USH2A: variants seen among roughly 807,000 people sequenced by gnomAD.
USH2A encodes Usher syndrome 2A (autosomal recessive, mild).
Under a neutral mutation model 538.9 loss-of-function variants are expected in USH2A, and 443 were observed. The ratio of observed to expected loss-of-function variants is 0.82; its 90% CI spans 0.76 to 0.89. The LOEUF (loss-of-function observed/expected upper bound fraction) is 0.89. Ranked by LOEUF, USH2A falls within the 40% of genes least tolerant of loss-of-function variation. The pLI is 0.00. For synonymous variants in USH2A, 2,413 were observed against 2,273.5 expected, an observed-to-expected ratio of 1.06 and a Z score of -1.75; for missense variants, 6,633 against 6,324.8, an observed-to-expected ratio of 1.05 and a Z score of -1.65.
At position 215,934,613 on chromosome 1, in the gene USH2A, T is replaced by C. The variant is rs1666444080; in HGVS notation, c.7300+3A>G. The C allele has an allele frequency of 6.2e-7, 1 of 1,611,774 alleles. No individual in the cohort carries two copies. Among genetic ancestry groups the C allele is most frequent in the Non-Finnish European group, 8.5e-7 (1 of 1,178,442 alleles). ...TAGATAGCCAACATTTGCATAGACT[T>C]ACCTCCTGGAGGCATTGCAATTGTT... On this transcript the variant is annotated splice_donor_region_variant and intron_variant, in intron 38 of 71. Transcript: ENST00000307340.
At chr1:216,332,578 G>T (rs1035314018) in intron 4 of USH2A, among the ~76,000 whole-genome samples, 1 of 152,126 alleles carries the variant, frequency 6.6e-6, no homozygotes, top group African/African-American at 2.4e-5. Flanking sequence ...GCACAAGCAG[G>T]AAGTGGGGAC....
At chr1:215,671,393 C>G in intron 63 of USH2A, 100 bp from the exon 64 acceptor site, 7 of 1,220,314 alleles carry the variant, frequency 5.7e-6, no homozygotes, top group Non-Finnish European at 7.0e-6. Context: ...GACAAGCTTA[C>G]ATGTATTCTT....
In USH2A at chr1:216,391,321, G is replaced by A. The variant is rs147333752; in HGVS notation, c.652-26236C>T. Among the ~76,000 whole-genome samples the A allele has an allele frequency of 5.0e-3, 761 of 152,220 alleles. 10 individuals carry two copies. Among genetic ancestry groups the A allele is most frequent in the African/African-American group, 0.017 (721 of 41,522 alleles). ...ATGCAACTATCATCAAAATCCACATGGAACTAAACTTTATGATCCTTCATA... is the reference window on the plus strand; with the variant it reads ...ATGCAACTATCATCAAAATCCACATAGAACTAAACTTTATGATCCTTCATA... On this transcript the variant is annotated intron_variant, in intron 3 of 71. Transcript: ENST00000307340.
In USH2A at chr1:215,999,031, C is replaced by T; in HGVS notation, c.6513G>A (p.Gly2171=). The T allele has an allele frequency of 6.2e-7, 1 of 1,612,274 alleles. No individual in the cohort carries two copies. The highest frequency in any genetic ancestry group is 1.7e-4 in the Middle Eastern group (1 of 6,044). The change falls in exon 34 of 72, where the codon GGG becomes GGA. Residue 2171 remains glycine, a synonymous_variant. Coordinates refer to ENST00000307340, the MANE Select transcript of USH2A (RefSeq NM_206933.4). ...TATATAATACATAGCGTTCCAGAAT[C>T]CCACTTATTTTTCTTGGTTGTTTCC... The part of the protein sequence containing the change: ...IQWKQPRKIS[G]ILERYVLYMS...
At chr1:216,405,359 A>G (rs565328537) in intron 3 of USH2A, among the ~76,000 whole-genome samples, 1 of 152,296 alleles carries the variant, frequency 6.6e-6, no homozygotes, top group Admixed American at 6.5e-5. Context: ...AAGCAATCAA[A>G]TTAGAAAATG....
intron 20 of USH2A, among the ~76,000 whole-genome samples, chr1:216,178,759 G>T (rs1047731033): frequency 6.6e-6 from 1 of 152,080 alleles, no homozygotes; most frequent in African/African-American, 2.4e-5. Context: ...GTTTAATACG[G>T]TAACCACTAG....
chr1:216,153,574 T>G (rs2033882252), intron 21 of USH2A, among the ~76,000 whole-genome samples: 1 of 152,218 alleles, frequency 6.6e-6, no homozygotes, highest in Admixed American at 6.5e-5. Flanking sequence ...TTAATCACTT[T>G]GGGAAGCAAT....
At chr1:215,788,767 TTAACCTGGAATTGTA>T (rs1312421112) in intron 51 of USH2A, among the ~76,000 whole-genome samples, 4 of 152,174 alleles carry the variant, frequency 2.6e-5, no homozygotes, top group Non-Finnish European at 4.4e-5. Flanking sequence ...GACATAATTT[TTAACCTGGAATTGTA>T]TATCAGACCA....
At chr1:215,754,618 T>C (rs1477046337) in intron 58 of USH2A, among the ~76,000 whole-genome samples, 1 of 152,124 alleles carries the variant, frequency 6.6e-6, no homozygotes, top group Admixed American at 6.6e-5. Flanking sequence ...TGAAAGAAGA[T>C]TAATTGTCTT....
chr1:215,684,488 G>T (rs957951488), intron 61 of USH2A, among the ~76,000 whole-genome samples: 1 of 152,186 alleles, frequency 6.6e-6, no homozygotes, highest in Non-Finnish European at 1.5e-5. Flanking sequence ...TCATCTTTGA[G>T]TCTATTGATC....
chr1:216,143,599 T>G (rs2033641476), intron 21 of USH2A, among the ~76,000 whole-genome samples: 3 of 152,136 alleles, frequency 2.0e-5, no homozygotes, highest in Admixed American at 1.3e-4. Context: ...CCCAATAAAA[T>G]TAGTTTTCAA....
chr1:216,203,114 G>C (rs1166423280), intron 16 of USH2A, among the ~76,000 whole-genome samples: 2 of 151,948 alleles, frequency 1.3e-5, no homozygotes, highest in Non-Finnish European at 2.9e-5. Flanking sequence ...ATTGTTCCAG[G>C]AAAGAATATA....
intron 61 of USH2A, among the ~76,000 whole-genome samples, chr1:215,706,762 A>T (rs1361244834): frequency 6.6e-6 from 1 of 152,242 alleles, no homozygotes; most frequent in Non-Finnish European, 1.5e-5. Flanking sequence ...CAACCAGCTT[A>T]GTGCAAAGCA....
chr1:215,734,090 G>A (rs1660083510), intron 60 of USH2A, among the ~76,000 whole-genome samples: 1 of 152,192 alleles, frequency 6.6e-6, no homozygotes, highest in Admixed American at 6.5e-5. Flanking sequence ...CTTCTGCCTG[G>A]GCACCCAGGC....
In USH2A at chr1:216,289,515, G is replaced by A. The variant is rs536172750; in HGVS notation, c.1841-105C>T. The A allele has an allele frequency of 3.4e-5, 51 of 1,514,862 alleles. No individual in the cohort carries two copies. The East Asian group carries it at 5.3e-4, about 16-fold the overall frequency. The allele number at this position is 1,514,862 out of a possible 1,614,324, so 93.8% of individuals were successfully genotyped here. On this transcript the variant is annotated intron_variant, in intron 10 of 71. Coordinates refer to ENST00000307340, the MANE Select transcript of USH2A (RefSeq NM_206933.4). The stretch of plus-strand genomic sequence containing the variant: ...CCTTTGAGGGAATTCTATAATTTTC[G>A]GAACGTCCGTTTTAATGCACCTTTC...
At chr1:215,680,408 T>C (rs750723189) in intron 61 of USH2A, 32 bp from the exon 62 acceptor site, 2 of 844,470 alleles carry the variant, frequency 2.4e-6, no homozygotes, top group South Asian at 5.5e-5. Flanking sequence ...AAGTTGTTGT[T>C]TTTTTTTTTT....
At position 215,674,763 on chromosome 1, in the gene USH2A, T is replaced by G. The variant is rs1418825414; in HGVS notation, c.13148A>C (p.Asn4383Thr). 3.1e-6 allele frequency: 5 copies of G among 1,614,008 alleles called. No individual in the cohort carries two copies. The highest frequency in any genetic ancestry group is 4.2e-6 in the Non-Finnish European group (5 of 1,180,024). Residue 4383 changes from asparagine (N) to threonine (T), a missense_variant, in exon 63 of 72, where the codon AAT becomes ACT. Physicochemically the swap from Asn to Thr is moderately conservative, Grantham distance 65. Transcript: ENST00000307340. ...NVCWSPPTVQ[N>T]GKITKYLVRY... ...AACTAAATATTTAGTAATCTTTCCA[T>G]TTTGCACTGTGGGCGGTGACCAACA...
intron 58 of USH2A, among the ~76,000 whole-genome samples, chr1:215,751,088 T>C (rs2102734499): frequency 6.6e-6 from 1 of 152,252 alleles, no homozygotes; most frequent in Non-Finnish European, 1.5e-5. Flanking sequence ...ATTAATGTAA[T>C]GTGAATCCTT....
chr1:215,987,854 C>T (rs1051545038), intron 35 of USH2A, among the ~76,000 whole-genome samples: 2 of 152,110 alleles, frequency 1.3e-5, no homozygotes, highest in African/African-American at 4.8e-5. Context: ...AAAGTAAATT[C>T]CACAACAACT....
Sources: allele counts gnomAD v4.1 joint callset (sites outside exome capture counted in the v4.1 genomes callset), GRCh38; gene constraint gnomAD v4.1.1; transcripts MANE v1.5; gene names NCBI Gene and HGNC (gene_info 2026-07-23, HGNC 2026-07-21).